ARMH3: variants seen among roughly 807,000 people sequenced by gnomAD.
ARMH3 encodes the protein armadillo like helical domain containing 3, also known as armadillo-like helical domain-containing protein 3.
In ARMH3, 60 loss-of-function variants were observed where a neutral mutation model predicts 99.1. The observed-to-expected ratio is 0.61, with a 90% CI of 0.49 to 0.75. The LOEUF (loss-of-function observed/expected upper bound fraction) is 0.75. ARMH3 is among the 30% of genes least tolerant of loss of function. The probability of loss-of-function intolerance (pLI) is 0.00; values close to 1 mark genes in which losing one functional copy is unlikely to be tolerated. For missense variants in ARMH3, 679 were observed against 843.1 expected, an observed-to-expected ratio of 0.81 and a Z score of 2.41; for synonymous variants, 285 against 292.8, an observed-to-expected ratio of 0.97 and a Z score of 0.27.
rs139200429 is a variant in ARMH3 at position 101,863,071 on chromosome 10, C to T, written c.1861-13179G>A. Among the ~76,000 whole-genome samples, 1,247 of 152,176 alleles carry T rather than the reference C, an allele frequency of 8.2e-3. 56 individuals are homozygous for T. Among genetic ancestry groups the T allele is most frequent in the Admixed American group, 0.068 (1,043 of 15,272 alleles). On this transcript the variant is annotated intron_variant, in intron 24 of 25. Transcript: ENST00000370033. ...TTACAAAATTAGCCTGGCATGGTGG[C>T]GCATGCCTGTAATCCCAGCTACTCG...
chr10:101,895,278 CTT>C (rs745819768), intron 23 of ARMH3, among the ~76,000 whole-genome samples: 16 of 131,656 alleles, frequency 1.2e-4, no homozygotes, highest in Admixed American at 1.6e-4. Flanking sequence ...CGATAAAATT[CTT>C]TTTTTTTTTT....
intron 23 of ARMH3, among the ~76,000 whole-genome samples, chr10:101,902,522 T>C (rs2068005519): frequency 1.3e-5 from 2 of 151,704 alleles, no homozygotes; most frequent in Non-Finnish European, 2.9e-5. Context: ...TGACAGAAAA[T>C]GATGTTGGAG....
At position 101,889,598 on chromosome 10, in the gene ARMH3, C is replaced by T. The variant is rs1296419841; in HGVS notation, c.1782-108G>A. On this transcript the variant is annotated intron_variant, in intron 23 of 25. Transcript: ENST00000370033. Reference sequence around the variant, plus strand: ...TGGTTTAGAGTACTAGAGCATGGGACCGATTGTGACTGGGTAACTTCCTCT... The same window carrying T: ...TGGTTTAGAGTACTAGAGCATGGGATCGATTGTGACTGGGTAACTTCCTCT... 1.7e-5 allele frequency: 17 copies of T among 983,266 alleles called. No individual in the cohort carries two copies. The Admixed American group carries it at 2.9e-4, about 17-fold the overall frequency. The allele number at this position is 983,266 out of a possible 1,614,324, so 60.9% of individuals were successfully genotyped here.
intron 24 of ARMH3, among the ~76,000 whole-genome samples, chr10:101,862,392 C>G (rs61873587): frequency 6.6e-6 from 1 of 152,038 alleles, no homozygotes; most frequent in Non-Finnish European, 1.5e-5. Context: ...GCCTGGCCAA[C>G]ATGGTGAAAC....
chr10:101,911,152 A>G lies in ARMH3; in HGVS notation c.1782-21662T>C, dbSNP rs555685436. 3.5e-3 allele frequency among the ~76,000 whole-genome samples: 537 copies of G among 152,216 alleles called. 6 individuals carry two copies. The highest frequency in any genetic ancestry group is 8.7e-3 in the South Asian group (42 of 4,824). On this transcript the variant is annotated intron_variant, in intron 23 of 25. Coordinates refer to ENST00000370033, the MANE Select transcript of ARMH3 (RefSeq NM_024541.3). ...TGAGATTCCGTACCAAAAAAAAAAA[A>G]AGAGACAGAAGGTGATCAATGTTAT...
chr10:101,891,438 C>T (rs1417223859), intron 23 of ARMH3, among the ~76,000 whole-genome samples: 1 of 152,198 alleles, frequency 6.6e-6, no homozygotes, highest in Non-Finnish European at 1.5e-5. Flanking sequence ...TTCAGGTGAT[C>T]CACTCACCTT....
At chr10:101,889,797 G>C (rs1419669268) in intron 23 of ARMH3, 3 of 297,544 alleles carry the variant, frequency 1.0e-5, no homozygotes, top group Admixed American at 4.3e-5. Context: ...GGAACCCAGA[G>C]GGCTGTCCAC....
At chr10:102,019,238 C>T (rs1166899269) in intron 8 of ARMH3, among the ~76,000 whole-genome samples, 3 of 151,754 alleles carry the variant, frequency 2.0e-5, no homozygotes, top group Non-Finnish European at 4.4e-5. Context: ...TAGTAGAGAT[C>T]GGGTTTTGCC....
At chr10:102,043,614 T>C (rs1010373591) in intron 1 of ARMH3, among the ~76,000 whole-genome samples, 1 of 152,234 alleles carries the variant, frequency 6.6e-6, no homozygotes, top group Non-Finnish European at 1.5e-5. Flanking sequence ...GACTATGCTA[T>C]GACCCCTGTT....
chr10:101,891,552 A>C (rs1235448490), intron 23 of ARMH3, among the ~76,000 whole-genome samples: 1 of 152,192 alleles, frequency 6.6e-6, no homozygotes, highest in East Asian at 1.9e-4. Context: ...AAATTGTCAC[A>C]AATCACTGGG....
chr10:101,923,710 C>T (rs1590029113), intron 23 of ARMH3, among the ~76,000 whole-genome samples: 1 of 152,180 alleles, frequency 6.6e-6, no homozygotes, highest in South Asian at 2.1e-4. Flanking sequence ...ATGCTTGCTA[C>T]AATCTTATTT....
chr10:101,982,973 T>C (rs930764032), intron 19 of ARMH3, among the ~76,000 whole-genome samples: 31 of 152,106 alleles, frequency 2.0e-4, no homozygotes, highest in African/African-American at 4.3e-4. Context: ...TGTGAAAAAA[T>C]TGTCTTCCAT....
chr10:101,874,074 A>G (rs1310736420), intron 24 of ARMH3, among the ~76,000 whole-genome samples: 1 of 152,198 alleles, frequency 6.6e-6, no homozygotes, highest in East Asian at 1.9e-4. Flanking sequence ...GTTTATTTAT[A>G]TAAAATTTTT....
chr10:101,940,134 T>A (rs555471899), intron 22 of ARMH3, among the ~76,000 whole-genome samples, 196 bp from the exon 23 acceptor site: 1 of 152,336 alleles, frequency 6.6e-6, no homozygotes, highest in East Asian at 1.9e-4. Flanking sequence ...CACTCCAGTT[T>A]TTTCTCTAAC....
intron 23 of ARMH3, among the ~76,000 whole-genome samples, chr10:101,938,257 C>G (rs1564771475): frequency 6.6e-6 from 1 of 152,158 alleles, no homozygotes; most frequent in Non-Finnish European, 1.5e-5. Flanking sequence ...GCAAGTTCAT[C>G]AGAGAAATTT....
chr10:101,989,031 A>G (rs1846647576), intron 19 of ARMH3, among the ~76,000 whole-genome samples: 1 of 151,848 alleles, frequency 6.6e-6, no homozygotes, highest in Non-Finnish European at 1.5e-5. Context: ...GCTTTACTCA[A>G]TTTGCTGTTC....
chr10:102,013,899 T>A (rs1440266816), intron 9 of ARMH3, 69 bp downstream of exon 9: 1 of 1,298,222 alleles, frequency 7.7e-7, no homozygotes, highest in East Asian at 2.3e-5. Context: ...GTTCTAAATG[T>A]ACTTTCACTG....
chr10:101,891,750 C>T (rs1013075295), intron 23 of ARMH3, among the ~76,000 whole-genome samples: 6 of 152,284 alleles, frequency 3.9e-5, no homozygotes, highest in Admixed American at 6.5e-5. Flanking sequence ...TCCAGGAACT[C>T]TGTGGATTAT....
chr10:101,919,487 TC>T (rs1236962054), intron 23 of ARMH3, among the ~76,000 whole-genome samples: 2 of 152,104 alleles, frequency 1.3e-5, no homozygotes, highest in Non-Finnish European at 1.5e-5. Flanking sequence ...CCCTTAATAG[TC>T]CCATCTCTCG....
Sources: allele counts gnomAD v4.1 joint callset (sites outside exome capture counted in the v4.1 genomes callset), GRCh38; gene constraint gnomAD v4.1.1; transcripts MANE v1.5; gene names NCBI Gene and HGNC (gene_info 2026-07-23, HGNC 2026-07-21).